The following CHERP variants were observed in gnomAD, a reference collection of about 807,000 sequenced individuals.
CHERP encodes ERPROT 213-21.
A neutral mutation model predicts 113.8 loss-of-function variants in CHERP; 8 were observed. The observed-to-expected ratio is 0.07, with a 90% CI of 0.04 to 0.13. The LOEUF is 0.13. Among genes scored for constraint, CHERP ranks in the 10% least tolerant of loss-of-function variants. The pLI is 1.00. For synonymous variants in CHERP, 559 were observed against 524.5 expected (o/e 1.07, Z -0.90); for missense variants, 884 against 1,298.2 (o/e 0.68, Z 4.90).
In CHERP at chr19:16,530,700, G is replaced by C. The variant is rs573012565; in HGVS notation, c.787-26C>G. The C allele has an allele frequency of 4.3e-6, 7 of 1,613,824 alleles. No homozygotes were observed. The Admixed American group carries it at 8.3e-5, about 19-fold the overall frequency. On this transcript the variant is annotated intron_variant, in intron 6 of 16. Transcript: ENST00000546361. The surrounding 1 kb of genome is among the most constrained non-coding windows in gnomAD (Gnocchi z 4.1). ...CTGGCGGTGGGAGGAGAGAGAGGCC[G>C]GGTCAGTGGGGAGGGGAAAGGCCTG...
At chr19:16,528,438 G>A (rs371864152) in intron 8 of CHERP, among the ~76,000 whole-genome samples, 183 bp from the exon 9 acceptor site, 3 of 152,272 alleles carry the variant, frequency 2.0e-5, no homozygotes, top group South Asian at 2.1e-4. Context: ...GGGAGGTTTC[G>A]ACCTTGAACA....
rs1205357443 is a variant in CHERP at position 16,532,824 on chromosome 19, G to A, written c.523-75C>T. 19 of 1,559,044 alleles carry A rather than the reference G, an allele frequency of 1.2e-5. No individual in the cohort carries two copies. The highest frequency in any genetic ancestry group is 2.4e-5 in the South Asian group (2 of 82,888). On this transcript the variant is annotated intron_variant, in intron 4 of 16. Coordinates refer to ENST00000546361, the MANE Select transcript of CHERP (RefSeq NM_006387.6). The surrounding 1 kb of genome is among the most constrained non-coding windows in gnomAD (Gnocchi z 4.4). Reference sequence around the variant, plus strand: ...GCACCCACTGCATCCCTGAGAGCGCGTCACCATCAGCTCAGGGAAGGACAC... The same window carrying A: ...GCACCCACTGCATCCCTGAGAGCGCATCACCATCAGCTCAGGGAAGGACAC...
At chr19:16,539,279 C>G (rs960440174) in intron 2 of CHERP, among the ~76,000 whole-genome samples, 1 of 151,730 alleles carries the variant, frequency 6.6e-6, no homozygotes, top group East Asian at 1.9e-4. Flanking sequence ...TCCCAAGTAG[C>G]TGGGACTACA....
chr19:16,529,665 G>C lies in CHERP; in HGVS notation c.1112C>G (p.Pro371Arg), dbSNP rs763728092. Residue 371 changes from proline (P) to arginine (R), a missense_variant, in exon 8 of 17, where the codon CCG (proline) becomes CGG (arginine). By Grantham distance (103) the Pro-to-Arg change is moderately radical. Around this residue, in one of 8 missense-constraint regions of CHERP, gnomAD observed 464 missense variants for 590.1 expected, o/e 0.79. Coordinates refer to ENST00000546361, the MANE Select transcript of CHERP (RefSeq NM_006387.6). The stretch of plus-strand genomic sequence containing the variant: ...CCCCGTACCAGGCTGGGTGGTGGGC[G>C]GGATGGCAGGGGCAGGTGCTGGGGC... Reference protein sequence around the residue: ...PPAPAPAPAIPPTTQPDDSKP... With the variant: ...PPAPAPAPAIRPTTQPDDSKP... 5 of 1,549,064 alleles carry C rather than the reference G, an allele frequency of 3.2e-6. No homozygotes were observed. Among genetic ancestry groups the C allele is most frequent in the Non-Finnish European group, 3.5e-6 (4 of 1,151,932 alleles).
Position 16,519,127 on chromosome 19 carries a change from C to A in CHERP, c.*32G>T. ...CAGGAAGGTCCCACAGCCGGCACCG[C>A]TGGCCACCGGCGCGGCTCCCGGCAT... On this transcript the variant is annotated 3_prime_UTR_variant, in exon 17 of 17. Transcript: ENST00000546361. This position sits in a 1 kb window ranked among gnomAD's most constrained non-coding sequence, Gnocchi z 6.0. The A allele has an allele frequency of 2.5e-6, 4 of 1,595,554 alleles. No individual in the cohort carries two copies. The highest frequency in any genetic ancestry group is 3.4e-6 in the Non-Finnish European group (4 of 1,170,934).
In CHERP at chr19:16,525,541, T is replaced by C. The variant is rs1191311958; in HGVS notation, c.1442A>G (p.Asn481Ser). ...GWNGQRDAPW[N>S]NQPDAAWNSQ... ...GTTCCAGGCGGCGTCGGGCTGGTTG[T>C]TCCAGGGCGCGTCGCGCTGGCCGTT... Residue 481 changes from asparagine to serine, a missense_variant, in exon 10 of 17, where the codon AAC (asparagine) becomes AGC (serine). Coordinates refer to ENST00000546361, the MANE Select transcript of CHERP (RefSeq NM_006387.6). This position sits in a 1 kb window ranked among gnomAD's most constrained non-coding sequence, Gnocchi z 6.5. The C allele has an allele frequency of 6.5e-7, 1 of 1,545,542 alleles. No individual in the cohort carries two copies. The highest frequency in any genetic ancestry group is 1.9e-5 in the Admixed American group (1 of 51,486).
intron 9 of CHERP, among the ~76,000 whole-genome samples, chr19:16,527,467 G>A (rs1599749444): frequency 6.6e-6 from 1 of 152,216 alleles, no homozygotes; most frequent in Non-Finnish European, 1.5e-5. Flanking sequence ...GAAAGGCCAC[G>A]CTGCGAAGCC....
Position 16,530,970 on chromosome 19 carries a change from T to G in CHERP, c.675-90A>C. ...CATCGCGGCTCCAGCCTCAGCGCCCTCTGCCTTCTCGGGAATCGGGTCCCC... is the reference window on the plus strand; with the variant it reads ...CATCGCGGCTCCAGCCTCAGCGCCCGCTGCCTTCTCGGGAATCGGGTCCCC... On this transcript the variant is annotated intron_variant, in intron 5 of 16. Transcript: ENST00000546361. This position sits in a 1 kb window ranked among gnomAD's most constrained non-coding sequence, Gnocchi z 4.1. The G allele has an allele frequency of 6.5e-7, 1 of 1,529,974 alleles. No homozygotes were observed. The highest frequency in any genetic ancestry group is 8.8e-7 in the Non-Finnish European group (1 of 1,141,618). 94.8% of individuals were successfully genotyped at this position (1,529,974 alleles called of 1,614,324 possible).
rs770602480 is a variant in CHERP at position 16,535,643 on chromosome 19, G to C, written c.200-7C>G. The C allele has an allele frequency of 1.0e-5, 15 of 1,500,942 alleles. No individual in the cohort carries two copies. The highest frequency in any genetic ancestry group is 1.2e-5 in the Non-Finnish European group (14 of 1,126,604). 93.0% of individuals were successfully genotyped at this position (1,500,942 alleles called of 1,614,324 possible). A position where few individuals can be genotyped will look rare whatever the true frequency, so the allele number is the denominator to read the frequency against. On this transcript the variant is annotated splice_polypyrimidine_tract_variant and splice_region_variant and intron_variant, in intron 2 of 16. Transcript: ENST00000546361. This position sits in a 1 kb window ranked among gnomAD's most constrained non-coding sequence, Gnocchi z 4.3. ...GTCTGCTGCTTGCAGATGACTGGAG[G>C]GAGAGGAGGAGGGGTGCCCCATGAG... is the stretch of plus-strand genomic sequence containing the variant.
In CHERP at chr19:16,532,410, A is replaced by T; in HGVS notation, c.674+188T>A. On this transcript the variant is annotated intron_variant, in intron 5 of 16. Transcript: ENST00000546361. The surrounding 1 kb of genome is among the most constrained non-coding windows in gnomAD (Gnocchi z 4.4). The stretch of plus-strand genomic sequence containing the variant: ...TGCAGCGAAGGTGCACAGGACACCT[A>T]GACCTCGCAGTCCTGGAGACAGAAG... The T allele has an allele frequency of 1.5e-6, 1 of 664,438 alleles. No individual in the cohort carries two copies. Among genetic ancestry groups the T allele is most frequent in the Non-Finnish European group, 2.5e-6 (1 of 400,666 alleles). 41.2% of individuals were successfully genotyped at this position (664,438 alleles called of 1,614,324 possible).
rs908827668 is a variant in CHERP at position 16,532,473 on chromosome 19, G to C, written c.674+125C>G. 2.4e-6 allele frequency: 3 copies of C among 1,241,658 alleles called. No individual in the cohort carries two copies. In the African/African-American group the frequency reaches 4.6e-5, roughly 19 times the overall value. The allele number at this position is 1,241,658 out of a possible 1,614,324, so 76.9% of individuals were successfully genotyped here. On this transcript the variant is annotated intron_variant, in intron 5 of 16. Coordinates refer to ENST00000546361, the MANE Select transcript of CHERP (RefSeq NM_006387.6). This position sits in a 1 kb window ranked among gnomAD's most constrained non-coding sequence, Gnocchi z 4.4. The stretch of plus-strand genomic sequence containing the variant: ...CAGAGACCCCCCACCCGGGGTCCCC[G>C]GACAAGTGCCCCCTAGTCTCGGGAC...
chr19:16,525,478 T>G lies in CHERP; in HGVS notation c.1505A>C (p.Gln502Pro). 1 of 1,552,476 alleles carries G rather than the reference T, an allele frequency of 6.4e-7. No homozygotes were observed. The highest frequency in any genetic ancestry group is 8.7e-7 in the Non-Finnish European group (1 of 1,149,530). Residue 502 changes from glutamine (Q) to proline (P), a missense_variant, in exon 10 of 17, where the codon CAG becomes CCG. Physicochemically the swap from Gln to Pro is moderately conservative, Grantham distance 76. Transcript: ENST00000546361. The surrounding 1 kb of genome is among the most constrained non-coding windows in gnomAD (Gnocchi z 6.5). ...GCGCTGGCCCCCGCCCCAGGGCGGC[T>G]GCTCGTGCTGGCTGTTCCAGGGGCC... ...FEGPWNSQHE[Q>P]PPWGGGQREP...
chr19:16,542,185 T>A, intron 1 of CHERP, 142 bp from the exon 2 acceptor site: 1 of 1,105,114 alleles, frequency 9.0e-7, no homozygotes. Flanking sequence ...CGGGTCCCGA[T>A]AGGGGCCACA....
intron 8 of CHERP, among the ~76,000 whole-genome samples, chr19:16,528,559 G>T (rs1599750021): frequency 6.6e-6 from 1 of 152,166 alleles, no homozygotes; most frequent in South Asian, 2.1e-4. Context: ...CATCTTTACT[G>T]TATCTAATTA....
Position 16,523,062 on chromosome 19 carries a change from G to A in CHERP, c.1970C>T (p.Pro657Leu), listed in dbSNP as rs2085631378. ...YFDLPAGLMA[P>L]LVKLEDHEYK... Reference sequence around the variant, plus strand: ...ACTGTGGGGCATTACCTTCACGAGGGGGGCCATCAGCCCAGCAGGGAGATC... The same window carrying A: ...ACTGTGGGGCATTACCTTCACGAGGAGGGCCATCAGCCCAGCAGGGAGATC... Residue 657 changes from proline (P) to leucine (L), a missense_variant, in exon 11 of 17, where the codon CCC becomes CTC. By Grantham distance (98) the Pro-to-Leu change is moderately conservative. Transcript: ENST00000546361. This position sits in a 1 kb window ranked among gnomAD's most constrained non-coding sequence, Gnocchi z 4.0. 2.0e-6 allele frequency: 3 copies of A among 1,512,782 alleles called. No homozygotes were observed. The highest frequency in any genetic ancestry group is 2.6e-6 in the Non-Finnish European group (3 of 1,134,394). The allele number at this position is 1,512,782 out of a possible 1,614,324, so 93.7% of individuals were successfully genotyped here.
In CHERP at chr19:16,530,758, G is replaced by A; in HGVS notation, c.786+11C>T. On this transcript the variant is annotated intron_variant, in intron 6 of 16. Transcript: ENST00000546361. The surrounding 1 kb of genome is among the most constrained non-coding windows in gnomAD (Gnocchi z 4.1). ...CGGTCTTGCCCAACCCCCGGCCCGG[G>A]GCCCACGCACCCGGGCGATCTTCTG... is the stretch of plus-strand genomic sequence containing the variant. 6.2e-7 allele frequency: 1 copy of A among 1,613,924 alleles called. No homozygotes were observed. The highest frequency in any genetic ancestry group is 1.3e-5 in the African/African-American group (1 of 75,062).
chr19:16,520,806 G>A lies in CHERP; in HGVS notation c.2201+20C>T, dbSNP rs1046607419. On this transcript the variant is annotated intron_variant, in intron 13 of 16. Transcript: ENST00000546361. This position sits in a 1 kb window ranked among gnomAD's most constrained non-coding sequence, Gnocchi z 4.0. ...TGTGGACCCTGGCCCCCCGGCCACT[G>A]CAGACATCTGCGCTTTTACCTGTTC... 6 of 1,611,108 alleles carry A rather than the reference G, an allele frequency of 3.7e-6. No homozygotes were observed. In the African/African-American group the frequency reaches 8.0e-5, roughly 22 times the overall value.
intron 8 of CHERP, among the ~76,000 whole-genome samples, chr19:16,529,266 T>C (rs574420574): frequency 4.0e-4 from 61 of 152,290 alleles, no homozygotes; most frequent in Non-Finnish European, 7.1e-4. Flanking sequence ...GATCTGCCCA[T>C]CTTGGCCTCC....
At chr19:16,538,013 T>G (rs1253757049) in intron 2 of CHERP, among the ~76,000 whole-genome samples, 1 of 152,218 alleles carries the variant, frequency 6.6e-6, no homozygotes, top group African/African-American at 2.4e-5. Flanking sequence ...TCTACAACAG[T>G]TGAGGCCCAG....
Sources: gnomAD v4.1 joint callset for allele counts (sites outside exome capture counted in the v4.1 genomes callset) on GRCh38, gnomAD v4.1.1 for gene constraint, gnomAD v4.1.1 regional missense constraint, Gnocchi (gnomAD v3.1) non-coding constraint, MANE v1.5 for transcripts, NCBI Gene and HGNC (gene_info 2026-07-23, HGNC 2026-07-21) for gene names.